GRIA1: variants seen among roughly 807,000 people sequenced by gnomAD.
GRIA1 encodes the protein glutamate receptor 1.
GRIA1 carries 31 observed loss-of-function variants against 99.2 expected under a neutral mutation model. The ratio of observed to expected loss-of-function variants is 0.31; its 90% CI spans 0.23 to 0.42. The LOEUF (loss-of-function observed/expected upper bound fraction) is 0.42, where lower values mean the gene tolerates loss of function less well. Among genes scored for constraint, GRIA1 ranks in the 10% least tolerant of loss-of-function variants. The pLI, the probability that GRIA1 is intolerant of heterozygous loss-of-function variation, is 1.00. For missense variants in GRIA1, 782 were observed against 1,157.5 expected (o/e 0.68, Z 4.71); for synonymous variants, 438 against 432.4 (o/e 1.01, Z -0.16).
At chr5:153,552,121 A>G (rs1420710775) in intron 2 of GRIA1, among the ~76,000 whole-genome samples, 1 of 152,126 alleles carries the variant, frequency 6.6e-6, no homozygotes, top group Non-Finnish European at 1.5e-5. Context: ...TATGGATTGC[A>G]TCCAGTGATT....
intron 13 of GRIA1, among the ~76,000 whole-genome samples, chr5:153,779,161 G>A (rs1046996785): frequency 6.6e-6 from 1 of 152,118 alleles, no homozygotes; most frequent in African/African-American, 2.4e-5. Context: ...CCCTGTGATG[G>A]TCATACATTA....
rs3064336 is a variant in GRIA1 at position 153,534,903 on chromosome 5, TTTTTGTTTTG to T, written c.220+40863_220+40872del. The stretch of plus-strand genomic sequence containing the variant: ...AACCTTCTAGAGAGGCACAGGCCTT[TTTTTGTTTTG>T]TTTTGTTTTGTTTTGTTTTGTTTTA... On this transcript the variant is annotated intron_variant, in intron 2 of 15. Transcript: ENST00000285900. 5.3e-5 allele frequency among the ~76,000 whole-genome samples: 8 copies of T among 150,606 alleles called. No homozygotes were observed. In the East Asian group the frequency reaches 7.9e-4, roughly 15 times the overall value.
intron 7 of GRIA1, among the ~76,000 whole-genome samples, chr5:153,678,842 C>G (rs1297688109): frequency 6.6e-6 from 1 of 152,206 alleles, no homozygotes; most frequent in East Asian, 1.9e-4. Context: ...TCCAGCTGGG[C>G]CCCTGGCTCT....
At chr5:153,505,431 A>T (rs1354641538) in intron 2 of GRIA1, among the ~76,000 whole-genome samples, 2 of 152,226 alleles carry the variant, frequency 1.3e-5, no homozygotes, top group African/African-American at 4.8e-5. Context: ...ATATTAGTAG[A>T]TATGTTTGAA....
rs1753696421 is a variant in GRIA1 at position 153,640,318 on chromosome 5, C to T, written c.221-6610C>T. On this transcript the variant is annotated intron_variant, in intron 2 of 15. Coordinates refer to ENST00000285900, the MANE Select transcript of GRIA1 (RefSeq NM_000827.4). ...GCCATCTTCCAACTGGGCATCAGGG[C>T]CTGGATGAAGAAAGTTCTTGTGAGT... 2.6e-5 allele frequency among the ~76,000 whole-genome samples: 4 copies of T among 152,340 alleles called. No individual in the cohort carries two copies. The South Asian group carries it at 8.3e-4, about 32-fold the overall frequency.
Position 153,786,372 on chromosome 5 carries a change from C to T in GRIA1, c.2271-8249C>T, listed in dbSNP as rs180687071. On this transcript the variant is annotated intron_variant, in intron 13 of 15. Coordinates refer to ENST00000285900, the MANE Select transcript of GRIA1 (RefSeq NM_000827.4). ...CTCCCTAAAGGTTTTCTAACTTCCA[C>T]CCACTGTCAGAATTCACCTCTCTCC... is the stretch of plus-strand genomic sequence containing the variant. Among the ~76,000 whole-genome samples the T allele has an allele frequency of 9.3e-3, 1,416 of 152,132 alleles. 12 individuals are homozygous for T. Among genetic ancestry groups the T allele is most frequent in the Non-Finnish European group, 0.013 (878 of 68,014 alleles).
At chr5:153,661,138 A>G (rs78041906) in intron 5 of GRIA1, among the ~76,000 whole-genome samples, 6,777 of 152,230 alleles carry the variant, frequency 0.045, 165 homozygotes, top group Middle Eastern at 0.088. Flanking sequence ...TAAATCTGTC[A>G]GCTCCTTCTG....
chr5:153,538,087 A>G (rs892725479), intron 2 of GRIA1, among the ~76,000 whole-genome samples: 2 of 152,192 alleles, frequency 1.3e-5, no homozygotes, highest in African/African-American at 4.8e-5. Flanking sequence ...ATGGTGGAAG[A>G]TAAGAACCAC....
chr5:153,802,215 G>A (rs914045336), intron 14 of GRIA1, 141 bp from the exon 15 acceptor site: 2 of 660,332 alleles, frequency 3.0e-6, no homozygotes, highest in Non-Finnish European at 5.3e-6. Context: ...TGAATAAATA[G>A]CCTATCCAGC....
At chr5:153,592,243 G>A (rs935989363) in intron 2 of GRIA1, among the ~76,000 whole-genome samples, 6 of 152,224 alleles carry the variant, frequency 3.9e-5, no homozygotes, top group African/African-American at 1.4e-4. Flanking sequence ...AGGTGGTAAA[G>A]GTCAGAGAGT....
chr5:153,555,240 T>A (rs1389288), intron 2 of GRIA1, among the ~76,000 whole-genome samples: 70,303 of 150,818 alleles, frequency 0.47, 18,125 homozygotes, highest in Non-Finnish European at 0.59. Flanking sequence ...TCTTTGGATG[T>A]TCATAAAAGC....
At chr5:153,550,171 A>G (rs1283907433) in intron 2 of GRIA1, among the ~76,000 whole-genome samples, 1 of 151,518 alleles carries the variant, frequency 6.6e-6, no homozygotes, top group African/African-American at 2.4e-5. Flanking sequence ...TTTCCTTTCC[A>G]GCTCCAAATT....
At chr5:153,672,759 A>T (rs1384354162) in intron 5 of GRIA1, among the ~76,000 whole-genome samples, 1 of 152,192 alleles carries the variant, frequency 6.6e-6, no homozygotes, top group Non-Finnish European at 1.5e-5. Context: ...CTTGGCTCCC[A>T]GTTCAGAACT....
At chr5:153,753,043 A>G (rs953331598) in intron 11 of GRIA1, among the ~76,000 whole-genome samples, 17 of 152,342 alleles carry the variant, frequency 1.1e-4, no homozygotes, top group Admixed American at 3.3e-4. Context: ...AGTGACCTCA[A>G]TCCTATAACC....
At chr5:153,770,070 T>C (rs1763770875) in intron 12 of GRIA1, 98 bp from the exon 13 acceptor site, 1 of 1,219,818 alleles carries the variant, frequency 8.2e-7, no homozygotes, top group Non-Finnish European at 1.2e-6. Context: ...ATCTCGCTCA[T>C]GAATGTGTGA....
At chr5:153,726,028 A>G (rs1760500448) in intron 11 of GRIA1, among the ~76,000 whole-genome samples, 1 of 150,704 alleles carries the variant, frequency 6.6e-6, no homozygotes, top group Admixed American at 6.6e-5. Context: ...AACAGAAATT[A>G]TAACAAACTG....
At chr5:153,501,344 G>A (rs1754992563) in intron 2 of GRIA1, among the ~76,000 whole-genome samples, 1 of 152,178 alleles carries the variant, frequency 6.6e-6, no homozygotes, top group Non-Finnish European at 1.5e-5. Flanking sequence ...CTGAAAGAAA[G>A]GGCCATGATT....
At position 153,745,589 on chromosome 5, in the gene GRIA1, CAAA is replaced by C. The variant is rs58166158; in HGVS notation, c.1824-18824_1824-18822del. On this transcript the variant is annotated intron_variant, in intron 11 of 15. Transcript: ENST00000285900. ...GGGCAACAAAAGCAAAACTCTGTCTCAAAAAAAAAAAAAAAAAAAAAAAGAAAA... is the reference window on the plus strand; with the variant it reads ...GGGCAACAAAAGCAAAACTCTGTCTCAAAAAAAAAAAAAAAAAAAAGAAAA... Among the ~76,000 whole-genome samples the C allele has an allele frequency of 5.5e-3, 557 of 100,866 alleles. 2 individuals are homozygous for C. Among genetic ancestry groups the C allele is most frequent in the African/African-American group, 0.02 (528 of 25,988 alleles). The allele number at this position is 100,866 out of a possible 152,430, so 66.2% of individuals were successfully genotyped here. A position where few individuals can be genotyped will look rare whatever the true frequency, so the allele number is the denominator to read the frequency against.
At chr5:153,710,193 C>T (rs1759207791) in intron 11 of GRIA1, among the ~76,000 whole-genome samples, 1 of 151,268 alleles carries the variant, frequency 6.6e-6, no homozygotes, top group South Asian at 2.1e-4. Flanking sequence ...AAAAAGGGAC[C>T]CATGAATTTA....
Sources: allele counts gnomAD v4.1 joint callset (sites outside exome capture counted in the v4.1 genomes callset), GRCh38; gene constraint gnomAD v4.1.1; transcripts MANE v1.5; gene names NCBI Gene and HGNC (gene_info 2026-07-23, HGNC 2026-07-21).